The following GABRG3 variants were observed in gnomAD, a reference collection of about 807,000 sequenced individuals.
GABRG3 encodes the protein gamma-aminobutyric acid type A receptor subunit gamma3.
A neutral mutation model predicts 48.8 loss-of-function variants in GABRG3; 25 were observed. That is an observed-to-expected ratio of 0.51 (90% confidence interval 0.37 to 0.72). The LOEUF (loss-of-function observed/expected upper bound fraction) is 0.72. Among genes scored for constraint, GABRG3 ranks in the 30% least tolerant of loss-of-function variants. GABRG3 has a pLI of 0.00. For synonymous variants in GABRG3, 227 were observed against 217.6 expected (o/e 1.04, Z -0.38); for missense variants, 394 against 577.9 (o/e 0.68, Z 3.26).
intron 5 of GABRG3, among the ~76,000 whole-genome samples, chr15:27,443,544 A>G (rs1888853181): frequency 1.3e-5 from 2 of 152,364 alleles, no homozygotes; most frequent in East Asian, 3.9e-4. Flanking sequence ...AAGCTGTCAC[A>G]TAAATTTAAG....
intron 3 of GABRG3, among the ~76,000 whole-genome samples, chr15:27,321,535 C>G (rs148838459): frequency 3.3e-5 from 5 of 152,372 alleles, no homozygotes; most frequent in East Asian, 3.9e-4. Flanking sequence ...ACTCTAATCA[C>G]TGCATTATAC....
In GABRG3 at chr15:27,478,844, G is replaced by A. The variant is rs532577741; in HGVS notation, c.575-1806G>A. 9.8e-5 allele frequency among the ~76,000 whole-genome samples: 15 copies of A among 152,296 alleles called. No homozygotes were observed. In the South Asian group the frequency reaches 2.7e-3, roughly 27 times the overall value. ...AGAATGGAGTACTGATGTGTGCTAC[G>A]ATAGGAGTGAATTTTGAACACATTA... On this transcript the variant is annotated intron_variant, in intron 5 of 9. Transcript: ENST00000615808.
At chr15:27,217,083 CACGTCCCTACAAAGG>C (rs1319049805) in intron 3 of GABRG3, among the ~76,000 whole-genome samples, 1 of 149,638 alleles carries the variant, frequency 6.7e-6, no homozygotes, top group Non-Finnish European at 1.5e-5. Flanking sequence ...CAATTTCATC[CACGTCCCTACAAAGG>C]ACATGAACTC....
intron 3 of GABRG3, among the ~76,000 whole-genome samples, chr15:27,256,224 G>C (rs1038469277): frequency 4.3e-4 from 65 of 151,918 alleles, no homozygotes; most frequent in East Asian, 2.3e-3. Context: ...GGGCGGATCA[G>C]GAGGTCAGGA....
chr15:27,216,678 T>C (rs1462176394), intron 3 of GABRG3, among the ~76,000 whole-genome samples: 1 of 152,056 alleles, frequency 6.6e-6, no homozygotes, highest in Non-Finnish European at 1.5e-5. Context: ...TTTCTGTTTC[T>C]ACCAGTGTGA....
intron 2 of GABRG3, among the ~76,000 whole-genome samples, chr15:27,001,888 G>GTTGTTTTTTTTT (rs1895454106): frequency 8.2e-6 from 1 of 121,230 alleles, no homozygotes; most frequent in Non-Finnish European, 1.7e-5. Context: ...CCATAACTCA[G>GTTGTTTTTTTTT]TTTTTTTTTT....
At chr15:27,344,858 CTT>C (rs1301619298) in intron 5 of GABRG3, among the ~76,000 whole-genome samples, 2 of 152,018 alleles carry the variant, frequency 1.3e-5, no homozygotes, top group Non-Finnish European at 2.9e-5. Flanking sequence ...AGTTTTACCT[CTT>C]GTCTTTTAAT....
chr15:27,513,799 GA>G (rs1244352387), intron 6 of GABRG3, among the ~76,000 whole-genome samples: 3 of 152,060 alleles, frequency 2.0e-5, no homozygotes, highest in African/African-American at 7.2e-5. Context: ...CAGGAAGAAA[GA>G]AAAAAATTAA....
intron 3 of GABRG3, among the ~76,000 whole-genome samples, chr15:27,121,765 A>G (rs1566940658): frequency 6.6e-6 from 1 of 152,240 alleles, no homozygotes. Flanking sequence ...AGTCTATAAG[A>G]TCTGTTTGGC....
chr15:27,091,807 A>G (rs763968660), intron 3 of GABRG3, among the ~76,000 whole-genome samples: 14 of 152,168 alleles, frequency 9.2e-5, no homozygotes, highest in Admixed American at 2.0e-4. Context: ...GGCCTGCCCT[A>G]TTCAAGATGG....
rs1426466227 is a variant in GABRG3, at chr15:27,328,815, C to A, written c.501C>A (p.Ile167=). The stretch of plus-strand genomic sequence containing the variant: ...CTTGGCTTTTTCGCAGGCTCACCAT[C>A]AATGCTGAGTGCCAGCTGCAGCTGC... ...GKILYTLRLT[I]NAECQLQLHN... Residue 167 remains isoleucine, a synonymous_variant, in exon 5 of 10, where the codon ATC becomes ATA. Coordinates refer to ENST00000615808, the MANE Select transcript of GABRG3 (RefSeq NM_033223.5). The A allele has an allele frequency of 3.1e-6, 5 of 1,613,804 alleles. No homozygotes were observed. Among genetic ancestry groups the A allele is most frequent in the Non-Finnish European group, 4.2e-6 (5 of 1,179,792 alleles).
intron 3 of GABRG3, among the ~76,000 whole-genome samples, chr15:27,271,361 C>G (rs950748113): frequency 6.6e-6 from 1 of 152,238 alleles, no homozygotes; most frequent in South Asian, 2.1e-4. Flanking sequence ...GCCACCCGCA[C>G]TCTGTCCTCC....
At chr15:27,374,234 G>T (rs1293535602) in intron 5 of GABRG3, among the ~76,000 whole-genome samples, 2 of 148,844 alleles carry the variant, frequency 1.3e-5, no homozygotes, top group Admixed American at 6.7e-5. Flanking sequence ...TCAGGCTCAG[G>T]TGATCCCCCC....
Position 27,236,885 on chromosome 15 carries a change from A to G in GABRG3, c.271-89924A>G, listed in dbSNP as rs543810220. Among the ~76,000 whole-genome samples, 1 of 152,280 alleles carries G rather than the reference A, an allele frequency of 6.6e-6. No homozygotes were observed. Among genetic ancestry groups the G allele is most frequent in the African/African-American group, 2.4e-5 (1 of 41,562 alleles). ...AATAGCTTATTGAATATACGTATCC[A>G]TCCCCCCACTCAGCAGACATTCCTG... On this transcript the variant is annotated intron_variant, in intron 3 of 9. Coordinates refer to ENST00000615808, the MANE Select transcript of GABRG3 (RefSeq NM_033223.5). This position sits in a 1 kb window ranked among gnomAD's most constrained non-coding sequence, Gnocchi z 4.4.
intron 1 of GABRG3, among the ~76,000 whole-genome samples, chr15:26,972,597 C>T (rs567658971): frequency 3.2e-4 from 48 of 152,274 alleles, no homozygotes; most frequent in African/African-American, 1.1e-3. Context: ...TCTCCATTTC[C>T]TGGGTCTGGG....
chr15:27,397,804 T>A (rs57175725), intron 5 of GABRG3, among the ~76,000 whole-genome samples: 7,419 of 44,924 alleles, frequency 0.17, 461 homozygotes, highest in African/African-American at 0.37. Flanking sequence ...TCTGAAAAAT[T>A]TTTTTTTTTT....
At chr15:27,439,800 C>T (rs1888728359) in intron 5 of GABRG3, among the ~76,000 whole-genome samples, 1 of 152,182 alleles carries the variant, frequency 6.6e-6, no homozygotes, top group Non-Finnish European at 1.5e-5. Context: ...ACTCTATTTC[C>T]AGACAGATCA....
At position 27,180,567 on chromosome 15, in the gene GABRG3, A is replaced by G. The variant is rs1887897261; in HGVS notation, c.271-146242A>G. On this transcript the variant is annotated intron_variant, in intron 3 of 9. Transcript: ENST00000615808. The surrounding 1 kb of genome is among the most constrained non-coding windows in gnomAD (Gnocchi z 4.2). ...TTCAACTCATCGCTCTAACCATGTCATCCTGATTCACTCAACTTTACCCCA... is the reference window on the plus strand; with the variant it reads ...TTCAACTCATCGCTCTAACCATGTCGTCCTGATTCACTCAACTTTACCCCA... 6.6e-6 allele frequency among the ~76,000 whole-genome samples: 1 copy of G among 152,008 alleles called. No homozygotes were observed. The highest frequency in any genetic ancestry group is 2.4e-5 in the African/African-American group (1 of 41,380).
chr15:27,139,517 A>G (rs564944393), intron 3 of GABRG3, among the ~76,000 whole-genome samples: 12 of 152,188 alleles, frequency 7.9e-5, no homozygotes, highest in African/African-American at 2.6e-4. Flanking sequence ...TCACAAACAC[A>G]CTCAGAAGGA....
Sources: gnomAD v4.1 joint callset for allele counts (sites outside exome capture counted in the v4.1 genomes callset) on GRCh38, gnomAD v4.1.1 for gene constraint, Gnocchi (gnomAD v3.1) non-coding constraint, MANE v1.5 for transcripts, NCBI Gene and HGNC (gene_info 2026-07-23, HGNC 2026-07-21) for gene names.